ANKDD1B: variants seen among roughly 807,000 people sequenced by gnomAD.
The protein encoded by ANKDD1B is ankyrin repeat and death domain-containing protein 1B.
In ANKDD1B, 57 loss-of-function variants were observed where a neutral mutation model predicts 59.7. The ratio of observed to expected loss-of-function variants is 0.95; its 90% CI spans 0.77 to 1.19. ANKDD1B has a LOEUF of 1.19. Ranked by LOEUF, ANKDD1B falls within the 50% of genes most tolerant of loss-of-function variation. ANKDD1B has a pLI of 0.00. For synonymous variants in ANKDD1B, 216 were observed against 239.5 expected, an observed-to-expected ratio of 0.90 and a Z score of 0.91; for missense variants, 602 against 641.9, an observed-to-expected ratio of 0.94 and a Z score of 0.67.
chr5:75,629,365 G>A (rs899010363), intron 5 of ANKDD1B, among the ~76,000 whole-genome samples: 4 of 151,974 alleles, frequency 2.6e-5, no homozygotes, highest in Admixed American at 2.6e-4. Context: ...GGGGTGATGG[G>A]AAATGTTGTA....
At chr5:75,653,063 A>G (rs1362816794) in intron 7 of ANKDD1B, 79 bp from the exon 8 acceptor site, 1 of 962,970 alleles carries the variant, frequency 1.0e-6, no homozygotes, top group African/African-American at 1.6e-5. Context: ...GTATTAACTG[A>G]TTACCATGTC....
intron 1 of ANKDD1B, among the ~76,000 whole-genome samples, chr5:75,615,678 G>A (rs1021604119): frequency 6.6e-6 from 1 of 150,860 alleles, no homozygotes; most frequent in African/African-American, 2.4e-5. Flanking sequence ...CTGTGTGTGT[G>A]TGTGTGTGTG....
chr5:75,632,011 G>A (rs985028947), intron 5 of ANKDD1B, among the ~76,000 whole-genome samples: 1 of 151,134 alleles, frequency 6.6e-6, no homozygotes, highest in Admixed American at 6.6e-5. Flanking sequence ...GGAGGCTGAC[G>A]CAGGAGACTT....
At chr5:75,623,110 C>T (rs1773899948) in intron 3 of ANKDD1B, among the ~76,000 whole-genome samples, 1 of 152,006 alleles carries the variant, frequency 6.6e-6, no homozygotes, top group Non-Finnish European at 1.5e-5. Context: ...TGGAGTTTCA[C>T]TCTTGTTGCT....
chr5:75,629,557 T>C (rs947526641), intron 5 of ANKDD1B, among the ~76,000 whole-genome samples: 27 of 151,890 alleles, frequency 1.8e-4, no homozygotes, highest in African/African-American at 6.5e-4. Context: ...ATCTTCTCAA[T>C]AAACTTAAAA....
intron 12 of ANKDD1B, among the ~76,000 whole-genome samples, chr5:75,668,020 TTTC>T (rs1775357356): frequency 6.6e-6 from 1 of 152,250 alleles, no homozygotes; most frequent in Non-Finnish European, 1.5e-5. Flanking sequence ...ATTGTTAAGA[TTTC>T]TTTTTTGTCA....
chr5:75,662,059 A>G (rs947793881), intron 10 of ANKDD1B, among the ~76,000 whole-genome samples: 1 of 152,112 alleles, frequency 6.6e-6, no homozygotes, highest in Non-Finnish European at 1.5e-5. Flanking sequence ...AAAAGCTCTC[A>G]GAGAACCTTC....
chr5:75,621,584 G>A (rs1027535181), intron 3 of ANKDD1B, among the ~76,000 whole-genome samples: 7 of 151,900 alleles, frequency 4.6e-5, no homozygotes, highest in Non-Finnish European at 8.8e-5. Context: ...TGCTTACTTC[G>A]TTTTAACAAA....
chr5:75,653,294 T>C (rs1029591212), intron 8 of ANKDD1B, 54 bp downstream of exon 8: 5 of 1,292,944 alleles, frequency 3.9e-6, no homozygotes, highest in African/African-American at 1.5e-5. Flanking sequence ...AGGTTGGCTG[T>C]GTCAGGGAGA....
chr5:75,636,112 T>C lies in ANKDD1B; in HGVS notation c.798+230T>C, dbSNP rs529013362. Among the ~76,000 whole-genome samples the C allele has an allele frequency of 3.3e-5, 5 of 152,342 alleles. No homozygotes were observed. The South Asian group carries it at 1.0e-3, about 32-fold the overall frequency. On this transcript the variant is annotated intron_variant, in intron 7 of 13. Transcript: ENST00000601380. ...ATAACGTTGTTTAATATGTACTGTATGCCAGATGAAGTATGTATTCTTATT... is the reference window on the plus strand; with the variant it reads ...ATAACGTTGTTTAATATGTACTGTACGCCAGATGAAGTATGTATTCTTATT...
At chr5:75,612,365 G>A (rs376044862) in intron 1 of ANKDD1B, among the ~76,000 whole-genome samples, 1 of 101,544 alleles carries the variant, frequency 9.8e-6, no homozygotes, top group Non-Finnish European at 1.8e-5. Flanking sequence ...CCCGCGTGTA[G>A]GGTCTTGTTG....
intron 5 of ANKDD1B, among the ~76,000 whole-genome samples, chr5:75,631,508 G>A (rs992376477): frequency 2.6e-5 from 4 of 152,114 alleles, no homozygotes; most frequent in African/African-American, 7.2e-5. Context: ...TCTCTCTCAT[G>A]GGGACCCTGA....
intron 1 of ANKDD1B, among the ~76,000 whole-genome samples, chr5:75,612,740 T>A (rs1210076858): frequency 6.6e-6 from 1 of 152,102 alleles, no homozygotes; most frequent in East Asian, 1.9e-4. Context: ...TTAAGGTAAG[T>A]GCAGTGAAGG....
Position 75,666,945 on chromosome 5 carries a change from T to C in ANKDD1B, c.1345T>C (p.Trp449Arg). 1 of 1,516,268 alleles carries C rather than the reference T, an allele frequency of 6.6e-7. No individual in the cohort carries two copies. The allele number at this position is 1,516,268 out of a possible 1,614,324, so 93.9% of individuals were successfully genotyped here. Reference protein sequence around the residue: ...ANEWQRLARSWNFTDDQIRAI... With the variant: ...ANEWQRLARSRNFTDDQIRAI... ...TGAGTGGCAGAGGCTGGCCCGTTCG[T>C]GGAACTTTACAGATGACCAGATTAG... The change falls in exon 12 of 14, where the codon TGG (tryptophan) becomes CGG (arginine). Residue 449 changes from tryptophan (W) to arginine (R), a missense_variant. By Grantham distance (101) the Trp-to-Arg change is moderately radical (BLOSUM62 -3). This residue lies in a region of ANKDD1B where 280 missense variants were observed against 319.8 expected (regional missense o/e 0.88). Transcript: ENST00000601380.
chr5:75,667,385 T>C (rs910078233), intron 12 of ANKDD1B, among the ~76,000 whole-genome samples: 5 of 152,042 alleles, frequency 3.3e-5, no homozygotes, highest in African/African-American at 1.2e-4. Context: ...CTGGGGTGAA[T>C]GGGTTCATTC....
intron 7 of ANKDD1B, among the ~76,000 whole-genome samples, chr5:75,641,740 CATGTTTG>C (rs1774470086): frequency 6.6e-6 from 1 of 152,210 alleles, no homozygotes; most frequent in South Asian, 2.1e-4. Context: ...CCCAAACTGG[CATGTTTG>C]ATACCCTGTA....
intron 5 of ANKDD1B, among the ~76,000 whole-genome samples, chr5:75,626,802 T>C (rs928017530): frequency 1.3e-5 from 2 of 152,040 alleles, no homozygotes; most frequent in Non-Finnish European, 2.9e-5. Flanking sequence ...TTTGTTTGTT[T>C]GTTTTGTTTT....
chr5:75,636,516 G>C (rs1774308845), intron 7 of ANKDD1B, among the ~76,000 whole-genome samples: 1 of 152,146 alleles, frequency 6.6e-6, no homozygotes, highest in South Asian at 2.1e-4. Flanking sequence ...CAAGAGGGAG[G>C]GTTTGGCTTT....
Position 75,611,647 on chromosome 5 carries a change from G to C in ANKDD1B, c.13G>C (p.Gly5Arg). 1 of 1,231,356 alleles carries C rather than the reference G, an allele frequency of 8.1e-7. No individual in the cohort carries two copies. The highest frequency in any genetic ancestry group is 1.0e-6 in the Non-Finnish European group (1 of 987,810). The allele number at this position is 1,231,356 out of a possible 1,614,324, so 76.3% of individuals were successfully genotyped here. Reference sequence around the variant, plus strand: ...CGCGGAGGAGACTATGGACCCCGCCGGGCGCGCCCGGGGCCAAGGGGCCAC... The same window carrying C: ...CGCGGAGGAGACTATGGACCCCGCCCGGCGCGCCCGGGGCCAAGGGGCCAC... The part of the protein sequence containing the change: MDPA[G>R]RARGQGATAG... The change falls in exon 1 of 14, where the codon GGG (glycine) becomes CGG (arginine). Residue 5 changes from glycine (G) to arginine (R), a missense_variant. By Grantham distance (125) the Gly-to-Arg change is moderately radical. Transcript: ENST00000601380.
Sources: gnomAD v4.1 joint callset for allele counts (sites outside exome capture counted in the v4.1 genomes callset) on GRCh38, gnomAD v4.1.1 for gene constraint, gnomAD v4.1.1 regional missense constraint, MANE v1.5 for transcripts, NCBI Gene and HGNC (gene_info 2026-07-23, HGNC 2026-07-21) for gene names.